ROR2: variants seen among roughly 807,000 people sequenced by gnomAD.
ROR2 encodes ROR family WNT receptor 2.
ROR2 carries 33 observed loss-of-function variants against 74.9 expected under a neutral mutation model. That is an observed-to-expected ratio of 0.44 (90% CI 0.33 to 0.59). The LOEUF is 0.59. ROR2 is among the 20% of genes least tolerant of loss of function. ROR2 has a pLI of 0.02. For synonymous variants in ROR2, 586 were observed against 558.7 expected, an observed-to-expected ratio of 1.05 and a Z score of -0.69; for missense variants, 1,216 against 1,313.8, an observed-to-expected ratio of 0.93 and a Z score of 1.15.
intron 1 of ROR2, among the ~76,000 whole-genome samples, chr9:91,918,351 C>A (rs1831189419): frequency 6.6e-6 from 1 of 150,576 alleles, no homozygotes; most frequent in Admixed American, 6.8e-5. Flanking sequence ...TCTGAAGCCA[C>A]CCCAACCCTA....
intron 4 of ROR2, among the ~76,000 whole-genome samples, chr9:91,741,881 C>T (rs1175716763): frequency 1.3e-5 from 2 of 152,186 alleles, no homozygotes; most frequent in African/African-American, 4.8e-5. Context: ...CAAAACCTAG[C>T]ATACAAACCA....
chr9:91,837,486 C>T (rs1400914785), intron 1 of ROR2, among the ~76,000 whole-genome samples: 2 of 152,328 alleles, frequency 1.3e-5, no homozygotes, highest in East Asian at 1.9e-4. Context: ...TGAAACTTAG[C>T]TGTTTAAGAA....
intron 1 of ROR2, among the ~76,000 whole-genome samples, chr9:91,853,703 C>T (rs565981768): frequency 6.6e-6 from 1 of 152,300 alleles, no homozygotes; most frequent in South Asian, 2.1e-4. Context: ...CTCGACATCC[C>T]ACTCTGAGAA....
chr9:91,878,958 C>A (rs547398662), intron 1 of ROR2, among the ~76,000 whole-genome samples: 3 of 151,988 alleles, frequency 2.0e-5, no homozygotes, highest in Non-Finnish European at 4.4e-5. Context: ...AGGAGAATGG[C>A]GTGAACCCGG....
At chr9:91,799,667 A>T (rs1001963245) in intron 1 of ROR2, among the ~76,000 whole-genome samples, 6 of 152,216 alleles carry the variant, frequency 3.9e-5, no homozygotes, top group Non-Finnish European at 8.8e-5. Context: ...AGTAGGGACA[A>T]GGAAAGCTCT....
chr9:91,778,126 C>T lies in ROR2; in HGVS notation c.98-2308G>A, dbSNP rs527522771. Among the ~76,000 whole-genome samples the T allele has an allele frequency of 7.2e-5, 11 of 152,374 alleles. No homozygotes were observed. The South Asian group carries it at 8.3e-4, about 11-fold the overall frequency. Reference sequence around the variant, plus strand: ...GGCTGGCCTGGTAAGGAGACCTGCACATGCCCTCACTCCTGCTGCACACAA... The same window carrying T: ...GGCTGGCCTGGTAAGGAGACCTGCATATGCCCTCACTCCTGCTGCACACAA... On this transcript the variant is annotated intron_variant, in intron 1 of 8. Coordinates refer to ENST00000375708, the MANE Select transcript of ROR2 (RefSeq NM_004560.4).
In ROR2 at chr9:91,852,647, ACACC is replaced by A. The variant is rs1380258163; in HGVS notation, c.98-76833_98-76830del. Among the ~76,000 whole-genome samples the A allele has an allele frequency of 5.2e-4, 76 of 145,694 alleles. 1 individual carries two copies. The highest frequency in any genetic ancestry group is 1.6e-3 in the African/African-American group (58 of 35,898). ...CAAACACACACACACACACACACACACACCCACACACACAATGTAAGTCCATAAG... is the reference window on the plus strand; with the variant it reads ...CAAACACACACACACACACACACACACACACACACAATGTAAGTCCATAAG... On this transcript the variant is annotated intron_variant, in intron 1 of 8. Coordinates refer to ENST00000375708, the MANE Select transcript of ROR2 (RefSeq NM_004560.4).
chr9:91,807,778 G>C (rs904830657), intron 1 of ROR2, among the ~76,000 whole-genome samples: 1 of 152,114 alleles, frequency 6.6e-6, no homozygotes, highest in African/African-American at 2.4e-5. Flanking sequence ...TGTGGTGTGA[G>C]AGCAGAGGAA....
At chr9:91,877,448 G>A (rs1231262706) in intron 1 of ROR2, among the ~76,000 whole-genome samples, 2 of 152,192 alleles carry the variant, frequency 1.3e-5, no homozygotes, top group Non-Finnish European at 2.9e-5. Flanking sequence ...CCCCAGTAAG[G>A]GGTCTTGCGA....
intron 1 of ROR2, among the ~76,000 whole-genome samples, chr9:91,799,831 C>T (rs926092520): frequency 2.6e-5 from 4 of 152,200 alleles, no homozygotes; most frequent in African/African-American, 9.6e-5. Context: ...GCCCACTGTA[C>T]CCCTCAGCAG....
intron 5 of ROR2, among the ~76,000 whole-genome samples, chr9:91,735,851 C>T (rs1439087634): frequency 6.6e-6 from 1 of 151,746 alleles, no homozygotes; most frequent in Non-Finnish European, 1.5e-5. Context: ...CTCCTGACCT[C>T]GTGATTTGCC....
chr9:91,829,473 C>T lies in ROR2; in HGVS notation c.98-53655G>A, dbSNP rs147732017. On this transcript the variant is annotated intron_variant, in intron 1 of 8. Coordinates refer to ENST00000375708, the MANE Select transcript of ROR2 (RefSeq NM_004560.4). ...GCTGAAGCAGGAGAATCACTTGAACCCAGAAGGCGGAGGTTGCAGTGAGCC... is the reference window on the plus strand; with the variant it reads ...GCTGAAGCAGGAGAATCACTTGAACTCAGAAGGCGGAGGTTGCAGTGAGCC... 6.8e-4 allele frequency among the ~76,000 whole-genome samples: 99 copies of T among 145,734 alleles called. No individual in the cohort carries two copies. In the East Asian group the frequency reaches 0.014, roughly 20 times the overall value.
intron 7 of ROR2, among the ~76,000 whole-genome samples, chr9:91,730,022 T>G (rs550754081): frequency 1.3e-5 from 2 of 152,342 alleles, no homozygotes; most frequent in Middle Eastern, 6.8e-3. Flanking sequence ...AGTGGCACCA[T>G]GATGGCTCAC....
chr9:91,900,246 A>G (rs1587832549), intron 1 of ROR2, among the ~76,000 whole-genome samples: 1 of 152,342 alleles, frequency 6.6e-6, no homozygotes, highest in East Asian at 1.9e-4. Flanking sequence ...GCAGCCTCGC[A>G]TCCAGAGGCC....
intron 5 of ROR2, among the ~76,000 whole-genome samples, chr9:91,734,900 G>A (rs557340148): frequency 6.6e-6 from 1 of 152,270 alleles, no homozygotes; most frequent in Admixed American, 6.5e-5. Flanking sequence ...TTTAAATGGA[G>A]GAACAGAGAG....
chr9:91,723,930 A>G lies in ROR2; in HGVS notation c.2564T>C (p.Met855Thr). The change falls in exon 9 of 9, where the codon ATG becomes ACG. Residue 855 changes from methionine to threonine, a missense_variant. Coordinates refer to ENST00000375708, the MANE Select transcript of ROR2 (RefSeq NM_004560.4). ...GTGGTGTGAGCTGGGCTTGGGGACCATCTGAGGAGGCACCTGCTGCGGGGC... is the reference window on the plus strand; with the variant it reads ...GTGGTGTGAGCTGGGCTTGGGGACCGTCTGAGGAGGCACCTGCTGCGGGGC... ...QMAPQQVPPQ[M>T]VPKPSSHHSG... 6.2e-7 allele frequency: 1 copy of G among 1,613,814 alleles called. No homozygotes were observed. The highest frequency in any genetic ancestry group is 8.5e-7 in the Non-Finnish European group (1 of 1,180,014).
intron 1 of ROR2, among the ~76,000 whole-genome samples, chr9:91,821,678 T>C (rs1186193511): frequency 1.3e-5 from 2 of 152,228 alleles, no homozygotes; most frequent in Non-Finnish European, 2.9e-5. Flanking sequence ...TTAGTCTTTC[T>C]GCTATCCTCA....
chr9:91,848,070 C>A (rs374784775), intron 1 of ROR2, among the ~76,000 whole-genome samples: 2 of 152,296 alleles, frequency 1.3e-5, no homozygotes, highest in African/African-American at 2.4e-5. Context: ...CAAGGATACT[C>A]GAGTCTTCTC....
Position 91,855,137 on chromosome 9 carries a change from C to A in ROR2, c.98-79319G>T, listed in dbSNP as rs138756018. Reference sequence around the variant, plus strand: ...CTTTAAGTCAAATTATCACCCCACACCCCATCCCAACAAGTGCCTCCCCTT... The same window carrying A: ...CTTTAAGTCAAATTATCACCCCACAACCCATCCCAACAAGTGCCTCCCCTT... On this transcript the variant is annotated intron_variant, in intron 1 of 8. Coordinates refer to ENST00000375708, the MANE Select transcript of ROR2 (RefSeq NM_004560.4). Among the ~76,000 whole-genome samples the A allele has an allele frequency of 2.9e-3, 445 of 152,296 alleles. 4 individuals carry two copies. The highest frequency in any genetic ancestry group is 9.6e-3 in the African/African-American group (398 of 41,558).
Sources: gnomAD v4.1 joint callset for allele counts (sites outside exome capture counted in the v4.1 genomes callset) on GRCh38, gnomAD v4.1.1 for gene constraint, MANE v1.5 for transcripts, NCBI Gene and HGNC (gene_info 2026-07-23, HGNC 2026-07-21) for gene names.